Variants in SLIT2 observed in about 807,000 individuals in gnomAD.
The protein encoded by SLIT2 is slit guidance ligand 2.
Under a neutral mutation model 185.7 loss-of-function variants are expected in SLIT2, and 41 were observed. That is an observed-to-expected ratio of 0.22 (90% confidence interval 0.17 to 0.29). SLIT2 has a LOEUF of 0.29. Among genes scored for constraint, SLIT2 ranks in the 10% least tolerant of loss-of-function variants. The pLI, the probability that SLIT2 is intolerant of heterozygous loss-of-function variation, is 1.00. For missense variants in SLIT2, 1,571 were observed against 1,909.0 expected (o/e 0.82, Z 3.30); for synonymous variants, 693 against 680.2 (o/e 1.02, Z -0.29).
At chr4:20,431,557 C>T (rs1044982184) in intron 4 of SLIT2, among the ~76,000 whole-genome samples, 2 of 152,064 alleles carry the variant, frequency 1.3e-5, no homozygotes, top group African/African-American at 4.8e-5. Context: ...CTGGCTCCTT[C>T]CCCAGTGGGA....
At chr4:20,502,033 T>C (rs996315996) in intron 9 of SLIT2, among the ~76,000 whole-genome samples, 1 of 152,208 alleles carries the variant, frequency 6.6e-6, no homozygotes, top group Non-Finnish European at 1.5e-5. Context: ...TTAGGTAACA[T>C]ACATGTTATA....
At chr4:20,488,757 A>T in intron 7 of SLIT2, 62 bp from the exon 8 acceptor site, 1 of 1,181,210 alleles carries the variant, frequency 8.5e-7, no homozygotes, top group Non-Finnish European at 1.2e-6. Context: ...AAATACAGGT[A>T]TATATTAATG....
intron 4 of SLIT2, among the ~76,000 whole-genome samples, chr4:20,294,600 G>C (rs915168559): frequency 7.9e-5 from 12 of 152,252 alleles, no homozygotes; most frequent in African/African-American, 2.4e-4. Flanking sequence ...CTAAGAGGAA[G>C]GAAAGGAAAT....
At chr4:20,268,098 A>G (rs1393764353) in intron 3 of SLIT2, among the ~76,000 whole-genome samples, 1 of 151,920 alleles carries the variant, frequency 6.6e-6, no homozygotes, top group African/African-American at 2.4e-5. Context: ...GTGCATACCA[A>G]GCATCAGGGC....
At chr4:20,554,558 T>G (rs1350987367) in intron 26 of SLIT2, among the ~76,000 whole-genome samples, 2 of 152,192 alleles carry the variant, frequency 1.3e-5, no homozygotes, top group Admixed American at 1.3e-4. Flanking sequence ...TAGAAAAATA[T>G]GAATAATAAG....
chr4:20,583,066 A>G (rs529681921), intron 29 of SLIT2, among the ~76,000 whole-genome samples: 4 of 152,246 alleles, frequency 2.6e-5, no homozygotes, highest in African/African-American at 4.8e-5. Context: ...TCCATTTAAT[A>G]TGTTTTGGCC....
At chr4:20,573,293 A>G (rs1473541484) in intron 29 of SLIT2, 5 of 702,762 alleles carry the variant, frequency 7.1e-6, no homozygotes, top group Non-Finnish European at 1.3e-5. Flanking sequence ...TATGATTTTC[A>G]TTTTAGTCTC....
At chr4:20,378,799 A>G (rs1724239292) in intron 4 of SLIT2, among the ~76,000 whole-genome samples, 1 of 152,150 alleles carries the variant, frequency 6.6e-6, no homozygotes, top group Admixed American at 6.6e-5. Context: ...ATATTTAAGG[A>G]GCTTTATGCA....
At chr4:20,367,043 CCTT>C (rs1415983606) in intron 4 of SLIT2, among the ~76,000 whole-genome samples, 11 of 152,092 alleles carry the variant, frequency 7.2e-5, no homozygotes, top group African/African-American at 2.7e-4. Flanking sequence ...AAGTGATCCT[CCTT>C]CTTCAGCTTC....
intron 4 of SLIT2, among the ~76,000 whole-genome samples, chr4:20,400,572 C>CT (rs896974727): frequency 2.3e-4 from 34 of 150,864 alleles, no homozygotes; most frequent in African/African-American, 8.3e-4. Flanking sequence ...TACTCTAGAA[C>CT]TTAGAGCAAA....
At chr4:20,371,562 G>A (rs1723578993) in intron 4 of SLIT2, among the ~76,000 whole-genome samples, 1 of 152,060 alleles carries the variant, frequency 6.6e-6, no homozygotes, top group Non-Finnish European at 1.5e-5. Flanking sequence ...TTGCTAGGAT[G>A]ATTCTATCTG....
rs139337117 is a variant in SLIT2, at chr4:20,425,138, G to C, written c.396-42614G>C. ...GTTTAGCTGTAGCAATTTCTGGATT[G>C]TTTTTGACCTTCAGACTTTGTGGAT... is the stretch of plus-strand genomic sequence containing the variant. On this transcript the variant is annotated intron_variant, in intron 4 of 36. Transcript: ENST00000504154. 5.2e-3 allele frequency among the ~76,000 whole-genome samples: 793 copies of C among 152,126 alleles called. 18 individuals are homozygous for C. Among genetic ancestry groups the C allele is most frequent in the Middle Eastern group, 0.014 (4 of 294 alleles).
chr4:20,447,331 G>A (rs901433910), intron 4 of SLIT2, among the ~76,000 whole-genome samples: 2 of 152,186 alleles, frequency 1.3e-5, no homozygotes, highest in Non-Finnish European at 2.9e-5. Flanking sequence ...CAAGGGACAA[G>A]GATCACACAG....
At chr4:20,387,848 C>T (rs1310645471) in intron 4 of SLIT2, among the ~76,000 whole-genome samples, 1 of 152,098 alleles carries the variant, frequency 6.6e-6, no homozygotes, top group Non-Finnish European at 1.5e-5. Flanking sequence ...GGGTATGCAG[C>T]TTTACTGACA....
chr4:20,365,618 T>C (rs1006228032), intron 4 of SLIT2, among the ~76,000 whole-genome samples: 1 of 152,078 alleles, frequency 6.6e-6, no homozygotes, highest in Non-Finnish European at 1.5e-5. Context: ...GTTTCACATC[T>C]CATTGGGCAA....
At chr4:20,437,191 T>C (rs1729401382) in intron 4 of SLIT2, among the ~76,000 whole-genome samples, 1 of 152,122 alleles carries the variant, frequency 6.6e-6, no homozygotes, top group Admixed American at 6.5e-5. Flanking sequence ...GCATCTCCAT[T>C]TGGATGTCTG....
At chr4:20,580,407 A>G (rs986983949) in intron 29 of SLIT2, among the ~76,000 whole-genome samples, 1 of 95,166 alleles carries the variant, frequency 1.1e-5, no homozygotes, top group African/African-American at 4.6e-5. Flanking sequence ...TATATATATT[A>G]TACGTGTGTG....
At chr4:20,267,072 G>T (rs1181734706) in intron 3 of SLIT2, among the ~76,000 whole-genome samples, 4 of 151,800 alleles carry the variant, frequency 2.6e-5, no homozygotes, top group East Asian at 1.9e-4. Flanking sequence ...TTCCAAGAGT[G>T]GTTGCATTCC....
At chr4:20,592,486 C>G (rs1727588979) in intron 30 of SLIT2, among the ~76,000 whole-genome samples, 1 of 152,064 alleles carries the variant, frequency 6.6e-6, no homozygotes, top group Non-Finnish European at 1.5e-5. Context: ...TTTTGAAACT[C>G]AGTCTGAGGA....
Sources: allele counts gnomAD v4.1 joint callset (sites outside exome capture counted in the v4.1 genomes callset), GRCh38; gene constraint gnomAD v4.1.1; transcripts MANE v1.5; gene names NCBI Gene and HGNC (gene_info 2026-07-23, HGNC 2026-07-21).